The following LMX1A variants were observed in gnomAD, a reference collection of about 807,000 sequenced individuals.
LMX1A encodes LIM homeobox transcription factor 1-alpha.
A neutral mutation model predicts 49.1 loss-of-function variants in LMX1A; 15 were observed. The ratio of observed to expected loss-of-function variants is 0.31; its 90% CI spans 0.20 to 0.47. The LOEUF (loss-of-function observed/expected upper bound fraction) is 0.47. LMX1A is among the 20% of genes least tolerant of loss of function. LMX1A has a pLI of 1.00. For synonymous variants in LMX1A, 167 were observed against 185.7 expected (o/e 0.90, Z 0.82); for missense variants, 372 against 475.8 (o/e 0.78, Z 2.03).
At chr1:165,285,671 T>G (rs923133567) in intron 3 of LMX1A, among the ~76,000 whole-genome samples, 6 of 152,224 alleles carry the variant, frequency 3.9e-5, no homozygotes, top group Non-Finnish European at 8.8e-5. Flanking sequence ...CTCAGCCTGA[T>G]GGACTAGGGC....
intron 3 of LMX1A, among the ~76,000 whole-genome samples, chr1:165,262,304 T>C (rs1653467255): frequency 6.6e-6 from 1 of 152,148 alleles, no homozygotes; most frequent in Non-Finnish European, 1.5e-5. Context: ...CTTTTCTCTT[T>C]TTTTCTGCCT....
intron 3 of LMX1A, among the ~76,000 whole-genome samples, chr1:165,274,506 G>T (rs1653904808): frequency 6.6e-6 from 1 of 152,200 alleles, no homozygotes; most frequent in Non-Finnish European, 1.5e-5. Context: ...ATAGAAGCAA[G>T]GACTTATTGC....
chr1:165,222,526 G>A (rs1269145015), intron 4 of LMX1A, among the ~76,000 whole-genome samples: 2 of 152,184 alleles, frequency 1.3e-5, no homozygotes, highest in African/African-American at 4.8e-5. Flanking sequence ...TTCTAGGCAA[G>A]GGTTGGAAGA....
At chr1:165,342,351 G>A (rs928524702) in intron 3 of LMX1A, among the ~76,000 whole-genome samples, 1 of 152,224 alleles carries the variant, frequency 6.6e-6, no homozygotes, top group African/African-American at 2.4e-5. Flanking sequence ...GGTCCCGATG[G>A]AAGTTATGCT....
At chr1:165,248,905 G>A (rs1652953686) in intron 4 of LMX1A, among the ~76,000 whole-genome samples, 1 of 152,214 alleles carries the variant, frequency 6.6e-6, no homozygotes, top group African/African-American at 2.4e-5. Context: ...AATATTAGCA[G>A]ACATGATGTG....
intron 5 of LMX1A, chr1:165,213,306 G>C (rs1375887382): frequency 8.9e-6 from 2 of 225,056 alleles, no homozygotes; most frequent in Non-Finnish European, 1.7e-5. Context: ...AAGCCACTGT[G>C]TTTTTATACT....
chr1:165,349,514 C>G (rs1163732371), intron 3 of LMX1A, among the ~76,000 whole-genome samples: 1 of 152,182 alleles, frequency 6.6e-6, no homozygotes, highest in East Asian at 1.9e-4. Context: ...GTCATCCCAC[C>G]AAGCTAGCAA....
At chr1:165,276,047 A>C (rs1557870969) in intron 3 of LMX1A, among the ~76,000 whole-genome samples, 1 of 151,998 alleles carries the variant, frequency 6.6e-6, no homozygotes, top group Non-Finnish European at 1.5e-5. Flanking sequence ...CCCACCCGAG[A>C]GGCTGGCAGG....
intron 4 of LMX1A, among the ~76,000 whole-genome samples, chr1:165,226,225 C>A (rs1652031101): frequency 6.6e-6 from 1 of 152,192 alleles, no homozygotes; most frequent in Non-Finnish European, 1.5e-5. Flanking sequence ...AAGCCATGGA[C>A]ATCTAAGTGG....
intron 3 of LMX1A, among the ~76,000 whole-genome samples, chr1:165,298,673 A>G (rs759372002): frequency 6.6e-6 from 1 of 152,216 alleles, no homozygotes; most frequent in Non-Finnish European, 1.5e-5. Flanking sequence ...TTATGAACCC[A>G]CATAAGGTGT....
intron 3 of LMX1A, among the ~76,000 whole-genome samples, chr1:165,256,657 G>T (rs757801359): frequency 6.6e-6 from 1 of 152,038 alleles, no homozygotes; most frequent in Non-Finnish European, 1.5e-5. Flanking sequence ...ACAACATTTT[G>T]CTCCTAAGGC....
At chr1:165,250,067 G>C (rs961895227) in intron 3 of LMX1A, among the ~76,000 whole-genome samples, 1 of 151,894 alleles carries the variant, frequency 6.6e-6, no homozygotes, top group Non-Finnish European at 1.5e-5. Context: ...ACACACTCTG[G>C]GGCCTGTCAG....
chr1:165,328,091 T>C (rs1441053225), intron 3 of LMX1A, among the ~76,000 whole-genome samples: 2 of 152,222 alleles, frequency 1.3e-5, no homozygotes, highest in Non-Finnish European at 2.9e-5. Flanking sequence ...GAGGAGAGCA[T>C]ATGGCACAAG....
chr1:165,274,915 T>C (rs4656441), intron 3 of LMX1A, among the ~76,000 whole-genome samples: 7,749 of 152,262 alleles, frequency 0.051, 308 homozygotes, highest in East Asian at 0.12. Context: ...TTAAATACAA[T>C]AAGGCCCAGT....
intron 3 of LMX1A, among the ~76,000 whole-genome samples, chr1:165,310,892 T>A (rs545975759): frequency 5.9e-5 from 9 of 152,346 alleles, no homozygotes; most frequent in African/African-American, 1.9e-4. Flanking sequence ...ATTCCCGGAA[T>A]AATCTTGGAT....
At chr1:165,273,728 A>G (rs1653875935) in intron 3 of LMX1A, among the ~76,000 whole-genome samples, 1 of 152,240 alleles carries the variant, frequency 6.6e-6, no homozygotes, top group African/African-American at 2.4e-5. Flanking sequence ...CCTTACCAAG[A>G]TAAGTCTAAT....
intron 3 of LMX1A, among the ~76,000 whole-genome samples, chr1:165,334,386 T>C (rs1456044658): frequency 3.3e-5 from 5 of 152,208 alleles, no homozygotes; most frequent in African/African-American, 1.2e-4. Context: ...ATCAGCTTAA[T>C]AACAGTAAGT....
chr1:165,295,341 T>G (rs1030658527), intron 3 of LMX1A, among the ~76,000 whole-genome samples: 1 of 151,348 alleles, frequency 6.6e-6, no homozygotes, highest in Non-Finnish European at 1.5e-5. Context: ...GATGGGTAAT[T>G]TTTGTTTGTT....
rs967690180 is a variant in LMX1A at position 165,311,194 on chromosome 1, A to G, written c.263+41882T>C. On this transcript the variant is annotated intron_variant, in intron 3 of 8. Transcript: ENST00000342310. ...ACTGGAATTGGAGTGATCAGAATAA[A>G]CTGCATTATTCATCAGAGATTTTCA... Among the ~76,000 whole-genome samples the G allele has an allele frequency of 8.5e-5, 13 of 152,218 alleles. No individual in the cohort carries two copies. The South Asian group carries it at 2.5e-3, about 29-fold the overall frequency.
Sources: gnomAD v4.1 joint callset for allele counts (sites outside exome capture counted in the v4.1 genomes callset) on GRCh38, gnomAD v4.1.1 for gene constraint, MANE v1.5 for transcripts, NCBI Gene and HGNC (gene_info 2026-07-23, HGNC 2026-07-21) for gene names.